Variants in KIAA1958 observed in about 807,000 individuals in gnomAD.
The protein encoded by KIAA1958 is uncharacterized protein KIAA1958.
A neutral mutation model predicts 47.2 loss-of-function variants in KIAA1958; 14 were observed. The ratio of observed to expected loss-of-function variants is 0.30; its 90% confidence interval spans 0.20 to 0.46. The LOEUF is 0.46. Ranked by LOEUF, KIAA1958 falls within the 20% of genes least tolerant of loss-of-function variation. KIAA1958 has a pLI of 1.00. For missense variants in KIAA1958, 803 were observed against 909.2 expected (o/e 0.88, Z 1.50); for synonymous variants, 354 against 353.3 (o/e 1.00, Z -0.02).
chr9:112,506,116 G>A (rs1004151195), intron 1 of KIAA1958, among the ~76,000 whole-genome samples: 1 of 152,170 alleles, frequency 6.6e-6, no homozygotes, highest in South Asian at 2.1e-4. Context: ...AAAATCTGAA[G>A]TATGGAGAAA....
intron 1 of KIAA1958, among the ~76,000 whole-genome samples, chr9:112,560,019 A>C (rs905140516): frequency 1.2e-4 from 19 of 152,054 alleles, no homozygotes; most frequent in Non-Finnish European, 2.2e-4. Context: ...ATGATTGGGA[A>C]AGTTCTTAAG....
At chr9:112,537,429 A>T (rs1834875429) in intron 1 of KIAA1958, among the ~76,000 whole-genome samples, 1 of 152,228 alleles carries the variant, frequency 6.6e-6, no homozygotes, top group African/African-American at 2.4e-5. Flanking sequence ...AATATAACTA[A>T]TAAAGCGTTC....
intron 1 of KIAA1958, among the ~76,000 whole-genome samples, chr9:112,512,593 C>T (rs1587995213): frequency 6.6e-6 from 1 of 152,106 alleles, no homozygotes; most frequent in South Asian, 2.1e-4. Flanking sequence ...ATGACTCTGT[C>T]TCATCCATTC....
Position 112,630,933 on chromosome 9 carries a change from T to C in KIAA1958, c.1172-14717T>C, listed in dbSNP as rs1467174255. On this transcript the variant is annotated intron_variant, in intron 2 of 3. Transcript: ENST00000337530. ...TTTTCATAGTATTTAAACGAGGAACTCATCTTTAAGTGTGCTTGCAAGTTT... is the reference window on the plus strand; with the variant it reads ...TTTTCATAGTATTTAAACGAGGAACCCATCTTTAAGTGTGCTTGCAAGTTT... Among the ~76,000 whole-genome samples the C allele has an allele frequency of 2.6e-5, 4 of 152,252 alleles. No homozygotes were observed. In the South Asian group the frequency reaches 6.2e-4, roughly 24 times the overall value.
chr9:112,645,698 A>G lies in KIAA1958; in HGVS notation c.1220A>G (p.Asp407Gly), dbSNP rs771525875. The G allele has an allele frequency of 8.7e-6, 14 of 1,612,500 alleles. No homozygotes were observed. The South Asian group carries it at 1.4e-4, about 16-fold the overall frequency. The stretch of plus-strand genomic sequence containing the variant: ...TTTCCTGTATTTAATATTAATGATG[A>G]CTTGAATGATCTGTGTACCAGTGCA... ...NKFPVFNINDDLNDLCTSAVS... is the reference protein window; with the variant it reads ...NKFPVFNINDGLNDLCTSAVS... Residue 407 changes from aspartate to glycine, a missense_variant, in exon 3 of 4, where the codon GAC (aspartate) becomes GGC (glycine). By Grantham distance (94) the Asp-to-Gly change is moderately conservative (BLOSUM62 -1). Coordinates refer to ENST00000337530, the MANE Select transcript of KIAA1958 (RefSeq NM_133465.4).
intron 1 of KIAA1958, among the ~76,000 whole-genome samples, chr9:112,544,828 A>C (rs1382202473): frequency 6.6e-6 from 1 of 152,218 alleles, no homozygotes; most frequent in African/African-American, 2.4e-5. Context: ...CTTTTTCAAG[A>C]GACACTTCTA....
intron 1 of KIAA1958, among the ~76,000 whole-genome samples, chr9:112,515,888 A>T (rs372769401): frequency 1.9e-5 from 1 of 53,512 alleles, no homozygotes; most frequent in Non-Finnish European, 3.5e-5. Flanking sequence ...CAATAAAAAA[A>T]TAAATTAAAA....
At chr9:112,653,974 C>T (rs1041151100) in intron 3 of KIAA1958, among the ~76,000 whole-genome samples, 1 of 152,160 alleles carries the variant, frequency 6.6e-6, no homozygotes, top group African/African-American at 2.4e-5. Flanking sequence ...GCTTGGAATT[C>T]ACACACTGTC....
intron 1 of KIAA1958, among the ~76,000 whole-genome samples, chr9:112,571,044 T>C (rs1267165166): frequency 3.3e-5 from 5 of 152,164 alleles, no homozygotes; most frequent in Non-Finnish European, 7.3e-5. Context: ...ACCTTCTGTA[T>C]TTGTTCTGTC....
chr9:112,497,646 C>T (rs1834067282), intron 1 of KIAA1958, among the ~76,000 whole-genome samples: 1 of 152,084 alleles, frequency 6.6e-6, no homozygotes, highest in Non-Finnish European at 1.5e-5. Flanking sequence ...GTGGTACTCA[C>T]TTGTGTATGT....
At chr9:112,490,989 A>G (rs1373860293) in intron 1 of KIAA1958, among the ~76,000 whole-genome samples, 3 of 152,204 alleles carry the variant, frequency 2.0e-5, no homozygotes, top group Non-Finnish European at 4.4e-5. Flanking sequence ...TTTTTTAGAG[A>G]CACAGTCGCA....
intron 1 of KIAA1958, among the ~76,000 whole-genome samples, chr9:112,506,679 A>G (rs774778535): frequency 6.6e-6 from 1 of 150,510 alleles, no homozygotes; most frequent in Non-Finnish European, 1.5e-5. Context: ...AAAATTTCAG[A>G]AGTTTTTGCT....
chr9:112,507,713 C>T (rs1834254772), intron 1 of KIAA1958, among the ~76,000 whole-genome samples: 1 of 152,116 alleles, frequency 6.6e-6, no homozygotes, highest in Non-Finnish European at 1.5e-5. Context: ...ACATCTATAC[C>T]TATAAGATCA....
intron 1 of KIAA1958, among the ~76,000 whole-genome samples, chr9:112,552,610 C>T (rs1386672142): frequency 2.0e-5 from 3 of 152,164 alleles, no homozygotes; most frequent in Non-Finnish European, 4.4e-5. Context: ...TGTTATAACA[C>T]AGGATGATTA....
At position 112,571,670 on chromosome 9, in the gene KIAA1958, C is replaced by G. The variant is rs375112306; in HGVS notation, c.-24-2387C>G. ...ATAGCTATGTTAAGTTCAAAACAGA[C>G]TGGGGTGCAGTAGCTCATGCCTGTA... On this transcript the variant is annotated intron_variant, in intron 1 of 3. Transcript: ENST00000337530. Among the ~76,000 whole-genome samples, 4 of 151,850 alleles carry G rather than the reference C, an allele frequency of 2.6e-5. 1 individual carries two copies. The highest frequency in any genetic ancestry group is 3.9e-4 in the East Asian group (2 of 5,188).
At chr9:112,522,255 G>C (rs113738561) in intron 1 of KIAA1958, among the ~76,000 whole-genome samples, 240 of 152,336 alleles carry the variant, frequency 1.6e-3, no homozygotes, top group African/African-American at 5.5e-3. Flanking sequence ...ATAGGCGTGA[G>C]CCACCGTGCC....
chr9:112,517,027 G>A (rs1834448159), intron 1 of KIAA1958, among the ~76,000 whole-genome samples: 1 of 152,212 alleles, frequency 6.6e-6, no homozygotes, highest in Non-Finnish European at 1.5e-5. Context: ...TCAGTGATTG[G>A]TATAAGAGTG....
At chr9:112,625,439 C>G (rs556363764) in intron 2 of KIAA1958, among the ~76,000 whole-genome samples, 1 of 152,178 alleles carries the variant, frequency 6.6e-6, no homozygotes, top group Non-Finnish European at 1.5e-5. Context: ...CAGGCATGAG[C>G]CACTGCTCTG....
chr9:112,548,553 T>C (rs10156453), intron 1 of KIAA1958, among the ~76,000 whole-genome samples: 1 of 152,176 alleles, frequency 6.6e-6, no homozygotes, highest in Non-Finnish European at 1.5e-5. Context: ...CTTTGTGTCA[T>C]CATATCCAAA....
Sources: allele counts gnomAD v4.1 joint callset (sites outside exome capture counted in the v4.1 genomes callset), GRCh38; gene constraint gnomAD v4.1.1; transcripts MANE v1.5; gene names NCBI Gene and HGNC (gene_info 2026-07-23, HGNC 2026-07-21).